CAST: variants seen among roughly 807,000 people sequenced by gnomAD.
CAST encodes the protein calpastatin.
CAST carries 76 observed loss-of-function variants against 119.6 expected under a neutral mutation model. The ratio of observed to expected loss-of-function variants is 0.64; its 90% confidence interval spans 0.53 to 0.77. The LOEUF (loss-of-function observed/expected upper bound fraction) is 0.77, where lower values mean the gene tolerates loss of function less well. Among genes scored for constraint, CAST ranks in the 30% least tolerant of loss-of-function variants. The pLI is 0.00. For synonymous variants in CAST, 319 were observed against 331.6 expected (o/e 0.96, Z 0.41); for missense variants, 953 against 946.5 (o/e 1.01, Z -0.09).
chr5:96,383,660 A>G, the CAST span, among the ~76,000 whole-genome samples: 1 of 152,100 alleles, frequency 6.6e-6, no homozygotes, highest in Non-Finnish European at 1.5e-5. Flanking sequence ...GTTGGCCAGG[A>G]TGGTCTTGAT....
chr5:96,459,762 A>G, the CAST span, among the ~76,000 whole-genome samples: 1 of 152,192 alleles, frequency 6.6e-6, no homozygotes, highest in African/African-American at 2.4e-5. Context: ...CTAATAGAAC[A>G]TATTTGTCTT....
chr5:96,248,991 C>T, the CAST span, among the ~76,000 whole-genome samples: 1 of 152,184 alleles, frequency 6.6e-6, no homozygotes, highest in African/African-American at 2.4e-5. Flanking sequence ...TCTGAAGGTA[C>T]TTATAGCTGT....
chr5:96,026,477 C>G, the CAST span, among the ~76,000 whole-genome samples: 1 of 152,220 alleles, frequency 6.6e-6, no homozygotes, highest in Non-Finnish European at 1.5e-5. Context: ...CACAGGCACT[C>G]TGTCATGAAG....
chr5:96,604,864 T>C (rs767594184), intron 1 of CAST, among the ~76,000 whole-genome samples: 6 of 152,184 alleles, frequency 3.9e-5, no homozygotes, highest in Non-Finnish European at 8.8e-5. Flanking sequence ...GTGGGCTCAG[T>C]AGGCAAAAGG....
At chr5:96,739,051 T>C (rs1178994580) in intron 11 of CAST, among the ~76,000 whole-genome samples, 2 of 151,502 alleles carry the variant, frequency 1.3e-5, no homozygotes, top group South Asian at 2.1e-4. Flanking sequence ...GACAACCCAA[T>C]AGAAAATCGA....
intron 2 of CAST, among the ~76,000 whole-genome samples, chr5:96,682,936 G>C (rs1751621588): frequency 6.6e-6 from 1 of 151,706 alleles, no homozygotes; most frequent in African/African-American, 2.4e-5. Flanking sequence ...ACTCCCCCAG[G>C]TGCAGCATGC....
At chr5:96,397,435 C>T in the CAST span, 3 of 1,612,784 alleles carry the variant, frequency 1.9e-6, no homozygotes, top group East Asian at 6.7e-5. Flanking sequence ...GAGATGTATC[C>T]CGTTCTCTTT....
Position 96,762,370 on chromosome 5 carries a change from TCGGTAAG to T in CAST, c.1932_1932+6del. 1 of 1,588,002 alleles carries T rather than the reference TCGGTAAG, an allele frequency of 6.3e-7. No individual in the cohort carries two copies. The highest frequency in any genetic ancestry group is 8.5e-7 in the Non-Finnish European group (1 of 1,170,382). On this transcript the variant is annotated splice_donor_variant and splice_donor_5th_base_variant and coding_sequence_variant and intron_variant, in exon 25 of 32. Transcript: ENST00000675179. LOFTEE classifies it high-confidence loss of function. ...AGCTGGAGCCCCACCCCGTGATACC[TCGGTAAG>T]CAGCACATCTTATTTGGGAGATAAA...
intron 1 of CAST, among the ~76,000 whole-genome samples, chr5:96,664,069 G>A (rs1241181710): frequency 6.6e-6 from 1 of 152,062 alleles, no homozygotes; most frequent in Non-Finnish European, 1.5e-5. Flanking sequence ...TGTGGTATTG[G>A]AAAAAGCAAA....
At chr5:96,691,547 G>A (rs1006527432) in intron 2 of CAST, among the ~76,000 whole-genome samples, 7 of 152,190 alleles carry the variant, frequency 4.6e-5, no homozygotes, top group Admixed American at 2.6e-4. Flanking sequence ...GCCCTGCAGA[G>A]GTCAGTCTGT....
At chr5:96,269,330 C>T in the CAST span, among the ~76,000 whole-genome samples, 1 of 152,166 alleles carries the variant, frequency 6.6e-6, no homozygotes, top group Non-Finnish European at 1.5e-5. Context: ...ATTAATAGAT[C>T]TAAAGGGAGA....
chr5:96,482,925 C>A, the CAST span, among the ~76,000 whole-genome samples: 1 of 152,158 alleles, frequency 6.6e-6, no homozygotes, highest in Non-Finnish European at 1.5e-5. Context: ...GGTTCAATTC[C>A]TTCACCATCC....
At chr5:96,731,715 A>T (rs1760562728) in intron 9 of CAST, among the ~76,000 whole-genome samples, 1 of 126,776 alleles carries the variant, frequency 7.9e-6, no homozygotes, top group African/African-American at 3.1e-5. Flanking sequence ...ATGTGATCTC[A>T]TTGTTCAATT....
At chr5:96,549,709 G>T (rs1244690687) in intron 1 of CAST, among the ~76,000 whole-genome samples, 1 of 152,234 alleles carries the variant, frequency 6.6e-6, no homozygotes, top group East Asian at 1.9e-4. Context: ...CTTTTCCCAT[G>T]GTCTTCGCAA....
the CAST span, among the ~76,000 whole-genome samples, chr5:96,257,899 A>G: frequency 1.3e-5 from 2 of 152,188 alleles, no homozygotes; most frequent in Non-Finnish European, 2.9e-5. Context: ...CACTAAACAT[A>G]CTAAAAACTC....
At chr5:96,691,262 G>A (rs1752694217) in intron 2 of CAST, among the ~76,000 whole-genome samples, 1 of 152,112 alleles carries the variant, frequency 6.6e-6, no homozygotes, top group Admixed American at 6.5e-5. Context: ...TGACTACATA[G>A]ATTTCTTATT....
At chr5:96,203,150 T>C in the CAST span, among the ~76,000 whole-genome samples, 2 of 152,006 alleles carry the variant, frequency 1.3e-5, no homozygotes, top group Non-Finnish European at 2.9e-5. Flanking sequence ...GCACAACCTT[T>C]TTTTTTTACA....
In CAST at chr5:96,563,691, C is replaced by T. The variant is rs148737670; in HGVS notation, c.60+33811C>T. 3.3e-3 allele frequency among the ~76,000 whole-genome samples: 504 copies of T among 152,194 alleles called. 2 individuals carry two copies. Among genetic ancestry groups the T allele is most frequent in the Middle Eastern group, 0.01 (3 of 292 alleles). On this transcript the variant is annotated intron_variant, in intron 1 of 11. Transcript: ENST00000505143. ...CTTTATTTTTAAAAATCTAAGATTA[C>T]GGTATACGGTATATGGTATACGGTT...
At chr5:96,080,483 G>A in the CAST span, among the ~76,000 whole-genome samples, 17 of 152,250 alleles carry the variant, frequency 1.1e-4, no homozygotes, top group South Asian at 3.5e-3. Context: ...CTGACCATAG[G>A]TATAAGTGAA....
Sources: allele counts gnomAD v4.1 joint callset (sites outside exome capture counted in the v4.1 genomes callset), GRCh38; gene constraint gnomAD v4.1.1; transcripts MANE v1.5; gene names NCBI Gene and HGNC (gene_info 2026-07-23, HGNC 2026-07-21).